Variants in COG4 observed in about 807,000 individuals in gnomAD.
COG4 encodes the protein conserved oligomeric Golgi complex subunit 4.
In COG4, 65 loss-of-function variants were observed where a neutral mutation model predicts 95.1. The observed-to-expected ratio is 0.68, with a 90% confidence interval of 0.56 to 0.84. COG4 has a LOEUF of 0.84. COG4 is among the 40% of genes least tolerant of loss of function. COG4 has a pLI of 0.00. For missense variants in COG4, 1,045 were observed against 989.1 expected, an observed-to-expected ratio of 1.06 and a Z score of -0.76; for synonymous variants, 421 against 374.8, an observed-to-expected ratio of 1.12 and a Z score of -1.42.
intron 13 of COG4, among the ~76,000 whole-genome samples, chr16:70,484,833 A>T (rs1382802337): frequency 6.6e-6 from 1 of 152,164 alleles, no homozygotes; most frequent in Non-Finnish European, 1.5e-5. Context: ...CAAGGGTTCA[A>T]GGTTGCAGAG....
chr16:70,484,849 T>C (rs2049094574), intron 13 of COG4, among the ~76,000 whole-genome samples: 1 of 152,130 alleles, frequency 6.6e-6, no homozygotes, highest in Non-Finnish European at 1.5e-5. Flanking sequence ...CAGAGAGCTA[T>C]GACTGCCACT....
At chr16:70,496,551 G>T in intron 11 of COG4, 120 bp from the exon 12 acceptor site, 1 of 975,178 alleles carries the variant, frequency 1.0e-6, no homozygotes, top group Non-Finnish European at 1.6e-6. Flanking sequence ...GGAATAACCA[G>T]TCCTTAAGAC....
At chr16:70,486,422 C>A (rs2049137268) in intron 13 of COG4, among the ~76,000 whole-genome samples, 1 of 152,336 alleles carries the variant, frequency 6.6e-6, no homozygotes, top group Non-Finnish European at 1.5e-5. Context: ...CTGACACTTA[C>A]TGTCTTTGAG....
rs2049018587 is a variant in COG4 at position 70,482,462 on chromosome 16, A to C, written c.1920+267T>G. The C allele has an allele frequency of 5.0e-6, 3 of 605,182 alleles. No homozygotes were observed. In the Middle Eastern group the frequency reaches 1.3e-3, roughly 263 times the overall value. The allele number at this position is 605,182 out of a possible 1,614,324, so 37.5% of individuals were successfully genotyped here. A position where few individuals can be genotyped will look rare whatever the true frequency, so the allele number is the denominator to read the frequency against. On this transcript the variant is annotated intron_variant, in intron 15 of 18. Coordinates refer to ENST00000323786, the MANE Select transcript of COG4 (RefSeq NM_015386.3). ...TGAAATCACTACGCCAGGAGGAAAA[A>C]AACGCTTCTAAGTCTATCATAGGCG...
At chr16:70,488,752 T>C (rs2049185816) in intron 13 of COG4, among the ~76,000 whole-genome samples, 1 of 152,016 alleles carries the variant, frequency 6.6e-6, no homozygotes, top group Non-Finnish European at 1.5e-5. Context: ...GGTTTCATCA[T>C]GTTGGCCAGA....
intron 2 of COG4, among the ~76,000 whole-genome samples, chr16:70,519,179 T>G (rs2049885726): frequency 2.9e-5 from 1 of 34,770 alleles, no homozygotes; most frequent in Non-Finnish European, 4.4e-5. Context: ...GACTGCGGAC[T>G]GCAGTGGCGC....
At chr16:70,513,148 A>G (rs1475309564) in intron 4 of COG4, among the ~76,000 whole-genome samples, 1 of 152,226 alleles carries the variant, frequency 6.6e-6, no homozygotes, top group Non-Finnish European at 1.5e-5. Context: ...CAGAAAGATG[A>G]AAAGAATATT....
intron 2 of COG4, among the ~76,000 whole-genome samples, chr16:70,519,028 C>G (rs2049882325): frequency 6.6e-6 from 1 of 151,318 alleles, no homozygotes. Flanking sequence ...ATTAGAATCA[C>G]TTGGTAGGCT....
chr16:70,491,496 G>A (rs1282610989), intron 12 of COG4, among the ~76,000 whole-genome samples: 5 of 112,774 alleles, frequency 4.4e-5, no homozygotes, highest in Non-Finnish European at 8.3e-5. Flanking sequence ...ACTCCAGCCT[G>A]TATGACAGAG....
chr16:70,482,198 G>A, intron 15 of COG4, 23 bp from the exon 16 acceptor site: 5 of 1,472,436 alleles, frequency 3.4e-6, no homozygotes, highest in Non-Finnish European at 4.8e-6. Context: ...AGCAGGGCTG[G>A]TCACCATGGG....
At chr16:70,496,750 A>G (rs1038405636) in intron 11 of COG4, among the ~76,000 whole-genome samples, 7 of 152,196 alleles carry the variant, frequency 4.6e-5, no homozygotes, top group African/African-American at 9.6e-5. Context: ...AGTTGAGAAC[A>G]GGTTTTGAGT....
chr16:70,498,260 T>A (rs1192347489), intron 9 of COG4, among the ~76,000 whole-genome samples: 1 of 151,546 alleles, frequency 6.6e-6, no homozygotes, highest in East Asian at 1.9e-4. Context: ...ACCTACCTTA[T>A]TTTTCATGAC....
chr16:70,517,758 T>G lies in COG4; in HGVS notation c.255-18A>C. 1 of 1,528,984 alleles carries G rather than the reference T, an allele frequency of 6.5e-7. No homozygotes were observed. Among genetic ancestry groups the G allele is most frequent in the Non-Finnish European group, 9.1e-7 (1 of 1,102,948 alleles). The allele number at this position is 1,528,984 out of a possible 1,614,324, so 94.7% of individuals were successfully genotyped here. ...GATTAGGACTGGAGAAATACATTGTTAGCATACACATAACGATAGGGCAGA... is the reference window on the plus strand; with the variant it reads ...GATTAGGACTGGAGAAATACATTGTGAGCATACACATAACGATAGGGCAGA... On this transcript the variant is annotated intron_variant, in intron 2 of 18. Transcript: ENST00000323786.
chr16:70,505,883 G>A (rs1337966978), intron 8 of COG4, among the ~76,000 whole-genome samples: 1 of 152,080 alleles, frequency 6.6e-6, no homozygotes, highest in Non-Finnish European at 1.5e-5. Flanking sequence ...AGGGGCTCAT[G>A]CCTGTAATTC....
Position 70,500,965 on chromosome 16 carries a change from T to G in COG4, c.1188A>C (p.Val396=), listed in dbSNP as rs1288654396. The G allele has an allele frequency of 6.2e-7, 1 of 1,614,188 alleles. No homozygotes were observed. Among genetic ancestry groups the G allele is most frequent in the Non-Finnish European group, 8.5e-7 (1 of 1,180,042 alleles). ...TATGGGAAACGTTTTTACCTTGCTT[T>G]ACTTCCTCTGAGGCCATGGAGTCTC... ...EVGDSMASEE[V]KQEHQKCLDK... is the part of the protein sequence containing the mutation. Residue 396 remains valine (V), a synonymous_variant, in exon 9 of 19, where the codon GTA becomes GTC. Coordinates refer to ENST00000323786, the MANE Select transcript of COG4 (RefSeq NM_015386.3).
At chr16:70,492,111 G>A (rs1446639399) in intron 12 of COG4, among the ~76,000 whole-genome samples, 4 of 152,294 alleles carry the variant, frequency 2.6e-5, no homozygotes, top group African/African-American at 7.2e-5. Context: ...CTTAGAATTC[G>A]GGTCTCTGAG....
At chr16:70,506,779 G>A (rs1485145533) in intron 8 of COG4, among the ~76,000 whole-genome samples, 1 of 149,338 alleles carries the variant, frequency 6.7e-6, no homozygotes, top group Non-Finnish European at 1.5e-5. Context: ...GGGAAACAGA[G>A]ACCCTGTTTC....
intron 13 of COG4, among the ~76,000 whole-genome samples, chr16:70,484,768 G>A (rs2151740403): frequency 6.6e-6 from 1 of 152,242 alleles, no homozygotes; most frequent in South Asian, 2.1e-4. Context: ...ATGTAGTGGT[G>A]CGCCCCTGCA....
At chr16:70,517,934 ACT>A (rs1227193537) in intron 2 of COG4, among the ~76,000 whole-genome samples, 194 bp from the exon 3 acceptor site, 2 of 144,908 alleles carry the variant, frequency 1.4e-5, no homozygotes, top group South Asian at 2.1e-4. Context: ...TAAAAAATTA[ACT>A]CTTTTTTTTT....
Sources: allele counts gnomAD v4.1 joint callset (sites outside exome capture counted in the v4.1 genomes callset), GRCh38; gene constraint gnomAD v4.1.1; transcripts MANE v1.5; gene names NCBI Gene and HGNC (gene_info 2026-07-23, HGNC 2026-07-21).